LRRC75A: variants seen among roughly 807,000 people sequenced by gnomAD.
The protein encoded by LRRC75A is leucine rich repeat containing 75A.
In LRRC75A, 12 loss-of-function variants were observed where a neutral mutation model predicts 26.0. The observed-to-expected ratio is 0.46, with a 90% CI of 0.30 to 0.75. The LOEUF (loss-of-function observed/expected upper bound fraction) is 0.75, where lower values mean the gene tolerates loss of function less well. Ranked by LOEUF, LRRC75A falls within the 30% of genes least tolerant of loss-of-function variation. LRRC75A has a pLI of 0.08. For missense variants in LRRC75A, 410 were observed against 486.6 expected, an observed-to-expected ratio of 0.84 and a Z score of 1.48; for synonymous variants, 223 against 219.3, an observed-to-expected ratio of 1.02 and a Z score of -0.15.
At chr17:16,445,533 G>A (rs2093576719) in intron 3 of LRRC75A, among the ~76,000 whole-genome samples, 1 of 152,174 alleles carries the variant, frequency 6.6e-6, no homozygotes, top group Non-Finnish European at 1.5e-5. Flanking sequence ...CCTGCTCCAA[G>A]AGCATATGCT....
chr17:16,452,286 T>C (rs2093639122), intron 2 of LRRC75A, among the ~76,000 whole-genome samples: 1 of 148,856 alleles, frequency 6.7e-6, no homozygotes, highest in African/African-American at 2.5e-5. Context: ...GCCCCGAAAG[T>C]GAAGGCTGCA....
Position 16,492,043 on chromosome 17 carries a change from G to A in LRRC75A, c.-53C>T. The stretch of plus-strand genomic sequence containing the variant: ...CTCTGGGCCGCGAGGCCGCGTCCCC[G>A]CCAACCGCCCGCCCCTCGGCCGCCC... On this transcript the variant is annotated 5_prime_UTR_variant, in exon 1 of 4. Transcript: ENST00000470794. The A allele has an allele frequency of 9.1e-7, 1 of 1,103,590 alleles. No individual in the cohort carries two copies. The highest frequency in any genetic ancestry group is 1.1e-6 in the Non-Finnish European group (1 of 908,560). 68.4% of individuals were successfully genotyped at this position (1,103,590 alleles called of 1,614,324 possible). A position where few individuals can be genotyped will look rare whatever the true frequency, so the allele number is the denominator to read the frequency against.
intron 2 of LRRC75A, chr17:16,461,135 G>A (rs2093724360): frequency 1.3e-5 from 2 of 152,472 alleles, no homozygotes; most frequent in African/African-American, 4.8e-5. Flanking sequence ...TCAGAGAGAA[G>A]GCCCCCGACA....
At position 16,441,705 on chromosome 17, in the gene LRRC75A, A is replaced by T; in HGVS notation, c.*1883T>A. On this transcript the variant is annotated 3_prime_UTR_variant, in exon 4 of 4. Coordinates refer to ENST00000470794, the MANE Select transcript of LRRC75A (RefSeq NM_001113567.3). ...CCTCCCACCTTGTAGCTGGGACTAC[A>T]GCTCACAGCACACCTGGCTAAAATT... 1 of 269,350 alleles carries T rather than the reference A, an allele frequency of 3.7e-6. No individual in the cohort carries two copies. The highest frequency in any genetic ancestry group is 7.4e-6 in the Non-Finnish European group (1 of 134,358). 16.7% of individuals were successfully genotyped at this position (269,350 alleles called of 1,614,324 possible).
intron 2 of LRRC75A, 32 bp from the exon 3 acceptor site, chr17:16,447,992 G>C (rs1245528260): frequency 2.0e-6 from 3 of 1,526,592 alleles, no homozygotes; most frequent in Non-Finnish European, 2.7e-6. Context: ...GTAGGGCCCT[G>C]AGTGGCTGGG....
At chr17:16,464,858 C>T (rs1294635059) in intron 1 of LRRC75A, among the ~76,000 whole-genome samples, 1 of 152,202 alleles carries the variant, frequency 6.6e-6, no homozygotes, top group Non-Finnish European at 1.5e-5. Context: ...AAGCTGGGGA[C>T]ACAGGAAGGC....
In LRRC75A at chr17:16,491,808, C is replaced by T. The variant is rs2143469754; in HGVS notation, c.183G>A (p.Leu61=). 1 of 1,438,052 alleles carries T rather than the reference C, an allele frequency of 7.0e-7. No homozygotes were observed. 89.1% of individuals were successfully genotyped at this position (1,438,052 alleles called of 1,614,324 possible). A position where few individuals can be genotyped will look rare whatever the true frequency, so the allele number is the denominator to read the frequency against. ...GCCGGCCCTGGCGCACCATCCGCAG[C>T]AGCTCCTGGACCATGCCGACTCGCC... ...YHRRVGMVQE[L]LRMVRQGRRE... is the part of the protein sequence containing the mutation. Residue 61 remains leucine (L), a synonymous_variant, in exon 1 of 4, where the codon CTG becomes CTA. Coordinates refer to ENST00000470794, the MANE Select transcript of LRRC75A (RefSeq NM_001113567.3). This position sits in a 1 kb window ranked among gnomAD's most constrained non-coding sequence, Gnocchi z 5.9.
chr17:16,489,361 G>C (rs2093852827), intron 1 of LRRC75A, among the ~76,000 whole-genome samples: 1 of 152,186 alleles, frequency 6.6e-6, no homozygotes, highest in South Asian at 2.1e-4. Context: ...CATTCCTGCA[G>C]AACAGGGTGC....
At position 16,443,885 on chromosome 17, in the gene LRRC75A, C is replaced by T. The variant is rs766972488; in HGVS notation, c.738G>A (p.Val246=). The T allele has an allele frequency of 1.2e-6, 2 of 1,613,472 alleles. No homozygotes were observed. Among genetic ancestry groups the T allele is most frequent in the Non-Finnish European group, 1.7e-6 (2 of 1,179,492 alleles). ...TAAGGATGTCAGTGAGGTCGCGCAG[C>T]ACGGCCCGGGTCAACCGGTTGCCAT... ...ALNGNRLTRA[V]LRDLTDILKD... is the part of the protein sequence containing the mutation. The change falls in exon 4 of 4, where the codon GTG becomes GTA. Residue 246 remains valine (V), a synonymous_variant. Coordinates refer to ENST00000470794, the MANE Select transcript of LRRC75A (RefSeq NM_001113567.3).
chr17:16,481,592 G>A (rs1449667078), intron 1 of LRRC75A, among the ~76,000 whole-genome samples: 1 of 152,156 alleles, frequency 6.6e-6, no homozygotes, highest in African/African-American at 2.4e-5. Context: ...GTGCACTGCA[G>A]GAGGATTCAC....
At chr17:16,480,144 AAAG>A (rs1209173902) in intron 1 of LRRC75A, among the ~76,000 whole-genome samples, 1 of 152,256 alleles carries the variant, frequency 6.6e-6, no homozygotes, top group Non-Finnish European at 1.5e-5. Context: ...AGTTGCAGGA[AAAG>A]AAGCTCAGCG....
chr17:16,458,143 A>G (rs997249739), intron 2 of LRRC75A, among the ~76,000 whole-genome samples: 1 of 152,166 alleles, frequency 6.6e-6, no homozygotes, highest in African/African-American at 2.4e-5. Flanking sequence ...CGTCTCTACT[A>G]AAAATACAAA....
chr17:16,485,503 T>C (rs2093844248), intron 1 of LRRC75A, among the ~76,000 whole-genome samples: 1 of 152,150 alleles, frequency 6.6e-6, no homozygotes. Context: ...TCTTGGACTT[T>C]CCAGACTCCA....
chr17:16,451,219 A>G (rs564036752), intron 2 of LRRC75A, among the ~76,000 whole-genome samples: 1 of 152,264 alleles, frequency 6.6e-6, no homozygotes, highest in African/African-American at 2.4e-5. Context: ...AGAGTGACTA[A>G]TGGGGTTAGA....
chr17:16,480,351 C>A (rs777533247), intron 1 of LRRC75A, among the ~76,000 whole-genome samples: 2 of 152,126 alleles, frequency 1.3e-5, no homozygotes, highest in African/African-American at 4.8e-5. Context: ...GACCGCTGCC[C>A]GGGCACGGTG....
At chr17:16,484,361 AAAAAAC>A (rs1791955160) in intron 1 of LRRC75A, among the ~76,000 whole-genome samples, 5 of 133,166 alleles carry the variant, frequency 3.8e-5, no homozygotes, top group African/African-American at 5.9e-5. Flanking sequence ...ACAAACAAAC[AAAAAAC>A]AAAAAAAAAT....
At chr17:16,447,738 T>C in intron 3 of LRRC75A, 107 bp downstream of exon 3, 1 of 824,770 alleles carries the variant, frequency 1.2e-6, no homozygotes, top group Non-Finnish European at 1.8e-6. Context: ...GCAGCTTCTA[T>C]GACCACCCCC....
chr17:16,448,010 G>A, intron 2 of LRRC75A, 50 bp from the exon 3 acceptor site: 1 of 1,465,688 alleles, frequency 6.8e-7, no homozygotes. Flanking sequence ...GGGTGCACCA[G>A]TCTCAGCCCC....
intron 1 of LRRC75A, among the ~76,000 whole-genome samples, chr17:16,465,749 C>T (rs910440370): frequency 2.0e-5 from 3 of 152,254 alleles, no homozygotes; most frequent in African/African-American, 4.8e-5. Context: ...ACTCCCCTGC[C>T]GTCTCCCCGC....
Sources: gnomAD v4.1 joint callset for allele counts (sites outside exome capture counted in the v4.1 genomes callset) on GRCh38, gnomAD v4.1.1 for gene constraint, Gnocchi (gnomAD v3.1) non-coding constraint, MANE v1.5 for transcripts, NCBI Gene and HGNC (gene_info 2026-07-23, HGNC 2026-07-21) for gene names.